Variants in GNAS observed in about 807,000 individuals in gnomAD.
GNAS encodes the protein GNAS complex locus, also known as protein ALEX.
In GNAS, 8 loss-of-function variants were observed where a neutral mutation model predicts 54.5. The ratio of observed to expected loss-of-function variants is 0.15; its 90% CI spans 0.09 to 0.26. The LOEUF (loss-of-function observed/expected upper bound fraction) is 0.26. Among genes scored for constraint, GNAS ranks in the 10% least tolerant of loss-of-function variants. The probability of loss-of-function intolerance (pLI) is 1.00; values close to 1 mark genes in which losing one functional copy is unlikely to be tolerated. For missense variants in GNAS, 170 were observed against 529.8 expected (o/e 0.32, Z 6.67); for synonymous variants, 204 against 191.4 (o/e 1.07, Z -0.54).
At chr20:58,840,526 G>C (rs778096004), upstream of GNAS, 1 of 1,613,474 alleles carries the variant, frequency 6.2e-7, no homozygotes, top group African/African-American at 1.3e-5. This position sits in a 1 kb window ranked among gnomAD's most constrained non-coding sequence, Gnocchi z 6.0. Flanking sequence ...CCGAGACCGA[G>C]CCTGAAGACG....
chr20:58,840,487 CGAGCCTGAGACCGCCCCCACCACT>C (rs747093000), upstream of GNAS: 141 of 1,613,520 alleles, frequency 8.7e-5, no homozygotes, highest in East Asian at 1.3e-4. This position sits in a 1 kb window ranked among gnomAD's most constrained non-coding sequence, Gnocchi z 6.0. Context: ...ACTTCGAGAC[CGAGCCTGAGACCGCCCCCACCACT>C]GAGCCCGAGA....
rs1186494428 is a variant in GNAS, at chr20:58,894,318, T to C, written c.140-1294T>C. Reference sequence around the variant, plus strand: ...TTACGTATTGTTTCCTTGGCCTCTCTTAATAGTGCCATTTATATTTTTAAT... The same window carrying C: ...TTACGTATTGTTTCCTTGGCCTCTCCTAATAGTGCCATTTATATTTTTAAT... On this transcript the variant is annotated intron_variant, in intron 1 of 12. Coordinates refer to ENST00000371085, the MANE Select transcript of GNAS (RefSeq NM_000516.7). Among the ~76,000 whole-genome samples the C allele has an allele frequency of 5.3e-5, 8 of 152,236 alleles. No individual in the cohort carries two copies. The East Asian group carries it at 1.5e-3, about 29-fold the overall frequency.
At chr20:58,865,437 CATAT>C (rs2087001527) in intron 1 of GNAS, among the ~76,000 whole-genome samples, 1 of 146,082 alleles carries the variant, frequency 6.8e-6, no homozygotes, top group Admixed American at 6.9e-5. Context: ...TATATATACA[CATAT>C]ATTTTATATT....
chr20:58,911,037 G>A lies in GNAS; in HGVS notation c.*208G>A, dbSNP rs1064747. ...AGCTTAAGGCGGCCTACAGAAAAAG[G>A]AAAAAAGGCCACAAAAGTTCCCTCT... On this transcript the variant is annotated 3_prime_UTR_variant, in exon 13 of 13. Transcript: ENST00000371085. 2 of 682,290 alleles carry A rather than the reference G, an allele frequency of 2.9e-6. No individual in the cohort carries two copies. The highest frequency in any genetic ancestry group is 3.0e-5 in the South Asian group (2 of 65,948). The allele number at this position is 682,290 out of a possible 1,614,324, so 42.3% of individuals were successfully genotyped here.
chr20:58,867,984 T>C (rs868639227), intron 1 of GNAS, among the ~76,000 whole-genome samples: 2 of 151,760 alleles, frequency 1.3e-5, no homozygotes, highest in Non-Finnish European at 2.9e-5. Flanking sequence ...TAAGCTAACA[T>C]ATAGCAGATA....
chr20:58,896,523 G>T (rs2090062602), intron 2 of GNAS, among the ~76,000 whole-genome samples: 1 of 151,868 alleles, frequency 6.6e-6, no homozygotes, highest in South Asian at 2.1e-4. Flanking sequence ...CCTGGCATGG[G>T]GAATGCAAAC....
At chr20:58,884,976 T>C (rs529856398) in intron 1 of GNAS, 2 of 152,416 alleles carry the variant, frequency 1.3e-5, no homozygotes, top group South Asian at 2.1e-4. Flanking sequence ...GTTTGTTTTC[T>C]GCTCCCTGTT....
At chr20:58,880,367 A>T (rs978430085) in intron 1 of GNAS, among the ~76,000 whole-genome samples, 3 of 152,122 alleles carry the variant, frequency 2.0e-5, no homozygotes, top group African/African-American at 7.2e-5. Context: ...CGCAGCCTTG[A>T]TCCTTTATTT....
At chr20:58,889,359 T>TC, upstream of GNAS, 1 of 983,672 alleles carries the variant, frequency 1.0e-6, no homozygotes, top group Non-Finnish European at 1.2e-6. Context: ...CACATGTAAG[T>TC]CGGGGAGCGC....
At position 58,872,058 on chromosome 20, in the gene GNAS, C is replaced by T. The variant is rs55680310; in HGVS notation, c.44-23554C>T. Among the ~76,000 whole-genome samples, 11 of 152,272 alleles carry T rather than the reference C, an allele frequency of 7.2e-5. No individual in the cohort carries two copies. In the South Asian group the frequency reaches 1.9e-3, roughly 26 times the overall value. ...TCACTGCCCCATGAGGTCCCTTGTT[C>T]GTTCAAGTGCCAACCAGAAGAGCTG... On this transcript the variant is annotated intron_variant, in intron 1 of 12. Transcript: ENST00000306090.
At chr20:58,882,170 G>A (rs556209742) in intron 1 of GNAS, among the ~76,000 whole-genome samples, 5 of 152,278 alleles carry the variant, frequency 3.3e-5, no homozygotes, top group East Asian at 1.9e-4. Flanking sequence ...CCGGGTTCAC[G>A]CCATTCTCCC....
rs1165883197 is a variant in GNAS, at chr20:58,853,909, G to A, written c.43+13023G>A. 5.6e-6 allele frequency: 9 copies of A among 1,607,112 alleles called. No homozygotes were observed. The East Asian group carries it at 9.0e-5, about 16-fold the overall frequency. Reference sequence around the variant, plus strand: ...CCTGCAAAGGCTGGCTCCAGAGGAGGCTACAGCCCTCCCCCTGAGGAGACT... The same window carrying A: ...CCTGCAAAGGCTGGCTCCAGAGGAGACTACAGCCCTCCCCCTGAGGAGACT... On this transcript the variant is annotated intron_variant, in intron 1 of 12. Transcript: ENST00000306090. This position sits in a 1 kb window ranked among gnomAD's most constrained non-coding sequence, Gnocchi z 4.4.
At chr20:58,860,092 G>A (rs1046754015) in intron 1 of GNAS, among the ~76,000 whole-genome samples, 3 of 152,166 alleles carry the variant, frequency 2.0e-5, no homozygotes, top group East Asian at 1.9e-4. Flanking sequence ...CAAATGACAC[G>A]TGTCGAGTAG....
At chr20:58,889,248 G>T (rs1169965798), upstream of GNAS, 1 of 1,116,692 alleles carries the variant, frequency 9.0e-7, no homozygotes, top group South Asian at 1.8e-5. Flanking sequence ...CTGCTCTCTG[G>T]CTCCGGGCTG....
In GNAS at chr20:58,891,710, C is replaced by T. The variant is rs2089368238; in HGVS notation, c.-17C>T. On this transcript the variant is annotated 5_prime_UTR_variant, in exon 1 of 13. Coordinates refer to ENST00000371085, the MANE Select transcript of GNAS (RefSeq NM_000516.7). ...GCCGCCGCAGCCCGGCCGCGCCCCGCCGCCGCCGCCGCCGCCATGGGCTGC... is the reference window on the plus strand; with the variant it reads ...GCCGCCGCAGCCCGGCCGCGCCCCGTCGCCGCCGCCGCCGCCATGGGCTGC... 1.9e-6 allele frequency: 2 copies of T among 1,077,864 alleles called. No individual in the cohort carries two copies. Among genetic ancestry groups the T allele is most frequent in the Non-Finnish European group, 2.3e-6 (2 of 866,434 alleles). 66.8% of individuals were successfully genotyped at this position (1,077,864 alleles called of 1,614,324 possible).
rs915661560 is a variant in GNAS at position 58,857,617 on chromosome 20, T to C, written c.43+16731T>C. Among the ~76,000 whole-genome samples, 1 of 152,144 alleles carries C rather than the reference T, an allele frequency of 6.6e-6. No individual in the cohort carries two copies. Among genetic ancestry groups the C allele is most frequent in the Admixed American group, 6.5e-5 (1 of 15,278 alleles). On this transcript the variant is annotated intron_variant, in intron 1 of 12. Coordinates refer to the GNAS transcript ENST00000306090. This position sits in a 1 kb window ranked among gnomAD's most constrained non-coding sequence, Gnocchi z 4.1. ...TGAAGCTTTCCTAGCAGATCTCCAC[T>C]AAGGAATGCTTTTGCACCATGATTT...
chr20:58,893,273 G>A (rs1274233113), intron 1 of GNAS, among the ~76,000 whole-genome samples: 2 of 151,700 alleles, frequency 1.3e-5, no homozygotes, highest in African/African-American at 2.4e-5. Context: ...AATAAAAAAA[G>A]GTTAACTATA....
rs2087612998 is a variant in GNAS, at chr20:58,873,732, G to T, written c.44-21880G>T. Among the ~76,000 whole-genome samples the T allele has an allele frequency of 6.6e-6, 1 of 152,106 alleles. No individual in the cohort carries two copies. Among genetic ancestry groups the T allele is most frequent in the Non-Finnish European group, 1.5e-5 (1 of 68,020 alleles). On this transcript the variant is annotated intron_variant, in intron 1 of 12. Transcript: ENST00000306090. The surrounding 1 kb of genome is among the most constrained non-coding windows in gnomAD (Gnocchi z 4.3). ...TTCATTCATTCGATATACATGTATT[G>T]AGTGCCAAATATGTGCCCTTCCCCG... is the stretch of plus-strand genomic sequence containing the variant.
chr20:58,881,183 G>A (rs1226116256), intron 1 of GNAS, among the ~76,000 whole-genome samples: 1 of 152,214 alleles, frequency 6.6e-6, no homozygotes, highest in Non-Finnish European at 1.5e-5. Flanking sequence ...CTGTTCTTGA[G>A]CGCCTCCCAG....
Sources: allele counts gnomAD v4.1 joint callset (sites outside exome capture counted in the v4.1 genomes callset), GRCh38; gene constraint gnomAD v4.1.1; non-coding constraint Gnocchi (gnomAD v3.1); transcripts MANE v1.5; gene names NCBI Gene and HGNC (gene_info 2026-07-23, HGNC 2026-07-21).